Variants in WDFY3 observed in about 807,000 individuals in gnomAD.
WDFY3 encodes WD repeat and FYVE domain containing 3.
A neutral mutation model predicts 409.6 loss-of-function variants in WDFY3; 66 were observed. The observed-to-expected ratio is 0.16, with a 90% CI of 0.13 to 0.20. The LOEUF is 0.20. Among genes scored for constraint, WDFY3 ranks in the 10% least tolerant of loss-of-function variants. WDFY3 has a pLI of 1.00. For missense variants in WDFY3, 3,031 were observed against 4,298.1 expected, an observed-to-expected ratio of 0.71 and a Z score of 8.24; for synonymous variants, 1,521 against 1,537.1, an observed-to-expected ratio of 0.99 and a Z score of 0.25.
intron 4 of WDFY3, among the ~76,000 whole-genome samples, chr4:84,850,956 T>G (rs1560923288): frequency 1.0e-5 from 1 of 96,356 alleles, no homozygotes; most frequent in African/African-American, 3.5e-5. Flanking sequence ...TTTTTTTTTT[T>G]TTTTTTTTTT....
rs537630403 is a variant in WDFY3 at position 84,760,287 on chromosome 4, C to G, written c.5189-3126G>C. 2.3e-3 allele frequency among the ~76,000 whole-genome samples: 347 copies of G among 151,866 alleles called. 1 individual carries two copies. The highest frequency in any genetic ancestry group is 7.8e-3 in the African/African-American group (324 of 41,374). On this transcript the variant is annotated intron_variant, in intron 32 of 67. Transcript: ENST00000295888. The stretch of plus-strand genomic sequence containing the variant: ...TCTCTTTTTTGGTTGTGTCTCTGCC[C>G]GGCTTTGGTATCAGGATGATGCTGG...
At chr4:84,677,821 G>T (rs1726570255) in intron 66 of WDFY3, among the ~76,000 whole-genome samples, 1 of 151,402 alleles carries the variant, frequency 6.6e-6, no homozygotes, top group African/African-American at 2.4e-5. Context: ...AAATTAGCCG[G>T]GTGTGATGGT....
intron 2 of WDFY3, among the ~76,000 whole-genome samples, chr4:84,931,881 A>C (rs1221103630): frequency 6.6e-6 from 1 of 152,178 alleles, no homozygotes; most frequent in Non-Finnish European, 1.5e-5. Flanking sequence ...TCACTCAAAG[A>C]AACTACAATA....
At chr4:84,920,982 C>T (rs79821785) in intron 2 of WDFY3, among the ~76,000 whole-genome samples, 1,927 of 152,086 alleles carry the variant, frequency 0.013, 52 homozygotes, top group African/African-American at 0.043. Flanking sequence ...AGAGTGAATT[C>T]CCCCAATGAA....
Position 84,678,831 on chromosome 4 carries a change from C to T in WDFY3, c.10147+88G>A, listed in dbSNP as rs1033823192. On this transcript the variant is annotated intron_variant, in intron 65 of 67. Coordinates refer to ENST00000295888, the MANE Select transcript of WDFY3 (RefSeq NM_014991.6). ...TCACGGGGCACATCCAGGGTGGGGC[C>T]CAGGGAGAGCTAGACCCCACTGCCT... 152 of 1,435,612 alleles carry T rather than the reference C, an allele frequency of 1.1e-4. 3 individuals are homozygous for T. The South Asian group carries it at 2.0e-3, about 19-fold the overall frequency. The allele number at this position is 1,435,612 out of a possible 1,614,324, so 88.9% of individuals were successfully genotyped here.
intron 36 of WDFY3, 199 bp downstream of exon 36, chr4:84,751,284 T>A: frequency 1.6e-6 from 1 of 613,426 alleles, no homozygotes; most frequent in East Asian, 2.8e-5. Flanking sequence ...ATTAGAGACA[T>A]CCTTGAGGGA....
Position 84,678,908 on chromosome 4 carries a change from C to T in WDFY3, c.10147+11G>A, listed in dbSNP as rs1312311954. 13 of 1,604,452 alleles carry T rather than the reference C, an allele frequency of 8.1e-6. No individual in the cohort carries two copies. The African/African-American group carries it at 1.2e-4, about 15-fold the overall frequency. On this transcript the variant is annotated intron_variant, in intron 65 of 67. Transcript: ENST00000295888. ...TAAGGAGTGAGAAATAGATACCAGA[C>T]TTCAAGTTACCAGGTTTCAATCTGC...
intron 3 of WDFY3, among the ~76,000 whole-genome samples, chr4:84,872,957 C>T (rs1423123281): frequency 1.3e-5 from 2 of 151,840 alleles, no homozygotes; most frequent in Non-Finnish European, 2.9e-5. Flanking sequence ...CATTATATAC[C>T]GACAAAGGGA....
chr4:84,948,639 A>T (rs1177372943), intron 1 of WDFY3, among the ~76,000 whole-genome samples: 2 of 152,190 alleles, frequency 1.3e-5, no homozygotes, highest in Non-Finnish European at 2.9e-5. Context: ...TTAGATAGTT[A>T]GGATTTCTAG....
chr4:84,789,386 T>C (rs1748090438), intron 22 of WDFY3, among the ~76,000 whole-genome samples: 1 of 152,148 alleles, frequency 6.6e-6, no homozygotes, highest in Non-Finnish European at 1.5e-5. Context: ...AATAATGAAG[T>C]GGCAAAATAG....
chr4:84,736,592 C>T (rs576313751), intron 41 of WDFY3, among the ~76,000 whole-genome samples: 6 of 152,182 alleles, frequency 3.9e-5, no homozygotes, highest in South Asian at 4.2e-4. Flanking sequence ...TAACGAGTTT[C>T]TATATTAATA....
At chr4:84,831,389 T>A in intron 8 of WDFY3, 24 bp downstream of exon 8, 1 of 1,477,090 alleles carries the variant, frequency 6.8e-7, no homozygotes. Context: ...TTTAGAACAC[T>A]TAAATATATA....
At chr4:84,699,651 A>G (rs965283552) in intron 56 of WDFY3, among the ~76,000 whole-genome samples, 1 of 152,112 alleles carries the variant, frequency 6.6e-6, no homozygotes, top group African/African-American at 2.4e-5. Flanking sequence ...TGGCTAAACC[A>G]TTTTATGCTC....
At chr4:84,682,683 T>C (rs1303551887) in intron 63 of WDFY3, 1 of 526,776 alleles carries the variant, frequency 1.9e-6, no homozygotes, top group Non-Finnish European at 3.4e-6. Context: ...TATAGTCATA[T>C]TAGTTTAAAA....
intron 6 of WDFY3, among the ~76,000 whole-genome samples, chr4:84,838,806 C>T (rs897168482): frequency 1.3e-5 from 2 of 152,022 alleles, no homozygotes; most frequent in African/African-American, 4.8e-5. Context: ...CTCATCTTTC[C>T]TTCTACCCTC....
rs181032419 is a variant in WDFY3, at chr4:84,715,472, A to G, written c.7876-89T>C. On this transcript the variant is annotated intron_variant, in intron 49 of 67. Transcript: ENST00000295888. Reference sequence around the variant, plus strand: ...AACTTTTCCACTATAAATTTCTACAATGTTCAAGAAGTTAATCTGCGGCCG... The same window carrying G: ...AACTTTTCCACTATAAATTTCTACAGTGTTCAAGAAGTTAATCTGCGGCCG... 68 of 835,248 alleles carry G rather than the reference A, an allele frequency of 8.1e-5. No homozygotes were observed. The African/African-American group carries it at 1.1e-3, about 13-fold the overall frequency. The allele number at this position is 835,248 out of a possible 1,614,324, so 51.7% of individuals were successfully genotyped here.
intron 1 of WDFY3, among the ~76,000 whole-genome samples, chr4:84,956,971 T>A (rs7654035): frequency 0.41 from 61,190 of 149,402 alleles, 13,005 homozygotes; most frequent in African/African-American, 0.51. Flanking sequence ...CAGGTGACAA[T>A]GGTTTTCTTA....
intron 3 of WDFY3, among the ~76,000 whole-genome samples, chr4:84,888,832 CTTT>C (rs112660301): frequency 2.8e-5 from 4 of 140,616 alleles, no homozygotes; most frequent in Non-Finnish European, 4.7e-5. Flanking sequence ...AAAATTGGGG[CTTT>C]TTTTTTTTTT....
chr4:84,959,580 G>A (rs988176130), intron 1 of WDFY3, among the ~76,000 whole-genome samples: 3 of 152,176 alleles, frequency 2.0e-5, no homozygotes, highest in Non-Finnish European at 4.4e-5. Flanking sequence ...CTGAGGAGTG[G>A]ATGATGACTG....
Sources: gnomAD v4.1 joint callset for allele counts (sites outside exome capture counted in the v4.1 genomes callset) on GRCh38, gnomAD v4.1.1 for gene constraint, MANE v1.5 for transcripts, NCBI Gene and HGNC (gene_info 2026-07-23, HGNC 2026-07-21) for gene names.